The following PPARGC1A variants were observed in gnomAD, a reference collection of about 807,000 sequenced individuals.
PPARGC1A encodes PPARG coactivator 1 alpha.
Under a neutral mutation model 88.7 loss-of-function variants are expected in PPARGC1A, and 25 were observed. The ratio of observed to expected loss-of-function variants is 0.28; its 90% CI spans 0.21 to 0.39. PPARGC1A has a LOEUF of 0.39. Ranked by LOEUF, PPARGC1A falls within the 10% of genes least tolerant of loss-of-function variation. PPARGC1A has a pLI of 1.00. For synonymous variants in PPARGC1A, 363 were observed against 355.6 expected, an observed-to-expected ratio of 1.02 and a Z score of -0.24; for missense variants, 880 against 968.7, an observed-to-expected ratio of 0.91 and a Z score of 1.22.
At chr4:24,333,372 A>G in the PPARGC1A span, among the ~76,000 whole-genome samples, 1 of 152,192 alleles carries the variant, frequency 6.6e-6, no homozygotes, top group Non-Finnish European at 1.5e-5. Flanking sequence ...ATTTTTTACT[A>G]TTTCTGAGTT....
the PPARGC1A span, among the ~76,000 whole-genome samples, chr4:24,347,777 GGTACT>G: frequency 6.6e-6 from 1 of 152,106 alleles, no homozygotes; most frequent in Non-Finnish European, 1.5e-5. Flanking sequence ...TGAAATGTGA[GGTACT>G]GTTGCTTTCA....
the PPARGC1A span, among the ~76,000 whole-genome samples, chr4:24,123,267 C>T: frequency 1.3e-5 from 2 of 152,160 alleles, no homozygotes; most frequent in African/African-American, 2.4e-5. Flanking sequence ...TACCAAACTA[C>T]AGATGGGACT....
At chr4:24,012,061 G>A in the PPARGC1A span, among the ~76,000 whole-genome samples, 11 of 151,894 alleles carry the variant, frequency 7.2e-5, no homozygotes, top group African/African-American at 2.7e-4. Flanking sequence ...GTATACTCCC[G>A]GCCTCCTCAT....
chr4:24,196,947 G>A, the PPARGC1A span, among the ~76,000 whole-genome samples: 1 of 152,296 alleles, frequency 6.6e-6, no homozygotes, highest in Non-Finnish European at 1.5e-5. Flanking sequence ...TGAACTATAA[G>A]CAGAAGAGAC....
the PPARGC1A span, among the ~76,000 whole-genome samples, chr4:24,064,637 C>G: frequency 6.6e-6 from 1 of 152,226 alleles, no homozygotes; most frequent in Non-Finnish European, 1.5e-5. Flanking sequence ...TCTCCTCCCC[C>G]AGAAACCCCC....
At chr4:23,948,639 C>T in the PPARGC1A span, among the ~76,000 whole-genome samples, 1 of 152,168 alleles carries the variant, frequency 6.6e-6, no homozygotes, top group Non-Finnish European at 1.5e-5. Context: ...TTGTCCTTGC[C>T]TAGGGACACC....
the PPARGC1A span, among the ~76,000 whole-genome samples, chr4:24,045,574 G>GT: frequency 6.6e-6 from 1 of 152,124 alleles, no homozygotes; most frequent in Non-Finnish European, 1.5e-5. Context: ...TACTTGGCTT[G>GT]TAGATACATC....
At chr4:24,123,997 G>C in the PPARGC1A span, among the ~76,000 whole-genome samples, 1 of 151,966 alleles carries the variant, frequency 6.6e-6, no homozygotes, top group African/African-American at 2.4e-5. Context: ...ATTGAGATTG[G>C]GTGACAGGAC....
the PPARGC1A span, among the ~76,000 whole-genome samples, chr4:23,928,770 CA>C: frequency 0.64 from 87,439 of 135,984 alleles, 28,047 homozygotes; most frequent in East Asian, 0.89. Flanking sequence ...ACAAAAAAAA[CA>C]AAAAAAAACA....
chr4:24,143,733 T>C, the PPARGC1A span, among the ~76,000 whole-genome samples: 2 of 152,330 alleles, frequency 1.3e-5, no homozygotes, highest in East Asian at 3.9e-4. Flanking sequence ...CGGACATATA[T>C]GCAAAAAACT....
At chr4:23,943,835 C>A in the PPARGC1A span, among the ~76,000 whole-genome samples, 1 of 152,210 alleles carries the variant, frequency 6.6e-6, no homozygotes, top group East Asian at 1.9e-4. Flanking sequence ...TGTGGCCTTG[C>A]TCCCCAAAAC....
At chr4:24,116,640 T>C in the PPARGC1A span, among the ~76,000 whole-genome samples, 1 of 152,166 alleles carries the variant, frequency 6.6e-6, no homozygotes, top group African/African-American at 2.4e-5. Context: ...GGAAAAAGCA[T>C]TCCTGGCAGA....
chr4:23,929,244 TA>T, the PPARGC1A span, among the ~76,000 whole-genome samples: 1 of 152,160 alleles, frequency 6.6e-6, no homozygotes, highest in Non-Finnish European at 1.5e-5. Context: ...CACCAGTCTA[TA>T]AAGGACGCTA....
At chr4:24,050,281 T>C in the PPARGC1A span, among the ~76,000 whole-genome samples, 1 of 148,088 alleles carries the variant, frequency 6.8e-6, no homozygotes, top group Non-Finnish European at 1.5e-5. Flanking sequence ...CTGCAACCTC[T>C]GCCTCCCAGG....
At chr4:24,063,762 G>A in the PPARGC1A span, among the ~76,000 whole-genome samples, 1 of 152,116 alleles carries the variant, frequency 6.6e-6, no homozygotes, top group African/African-American at 2.4e-5. Context: ...AATGCATCTC[G>A]ACAGTCACCT....
chr4:24,344,114 T>C, the PPARGC1A span, among the ~76,000 whole-genome samples: 1 of 152,108 alleles, frequency 6.6e-6, no homozygotes, highest in Non-Finnish European at 1.5e-5. Context: ...TATATATATA[T>C]ATATATATCA....
chr4:23,802,274 A>G lies in PPARGC1A; in HGVS notation c.2091T>C (p.Phe697=), dbSNP rs1414670856. 1.2e-6 allele frequency: 2 copies of G among 1,613,926 alleles called. No homozygotes were observed. Among genetic ancestry groups the G allele is most frequent in the African/African-American group, 2.7e-5 (2 of 74,878 alleles). The part of the protein sequence containing the change: ...DTTRTELRDR[F]EVFGEIEECT... ...ACTCCTCAATTTCACCAAAAACTTC[A>G]AAACGGTCCCTCAGTTCTGTCCGTG... The change falls in exon 11 of 13, where the codon TTT becomes TTC. Residue 697 remains phenylalanine, a synonymous_variant. Transcript: ENST00000264867.
the PPARGC1A span, among the ~76,000 whole-genome samples, chr4:24,364,960 AC>A: frequency 2.0e-5 from 3 of 152,022 alleles, no homozygotes; most frequent in Non-Finnish European, 4.4e-5. Flanking sequence ...ATTATTACTA[AC>A]TCTCACCATA....
chr4:23,908,923 TG>T (rs1720398765), upstream of PPARGC1A, among the ~76,000 whole-genome samples: 1 of 152,194 alleles, frequency 6.6e-6, no homozygotes, highest in Non-Finnish European at 1.5e-5. Context: ...ACACTCCAAA[TG>T]ATAGTTCCGC....
Sources: allele counts gnomAD v4.1 joint callset (sites outside exome capture counted in the v4.1 genomes callset), GRCh38; gene constraint gnomAD v4.1.1; transcripts MANE v1.5; gene names NCBI Gene and HGNC (gene_info 2026-07-23, HGNC 2026-07-21).